Variants in ATG7 observed in about 807,000 individuals in gnomAD.
The protein encoded by ATG7 is autophagy related 7.
In ATG7, 70 loss-of-function variants were observed where a neutral mutation model predicts 82.4. The observed-to-expected ratio is 0.85, with a 90% CI of 0.70 to 1.04. The LOEUF (loss-of-function observed/expected upper bound fraction) is 1.04. Ranked by LOEUF, ATG7 falls within the 50% of genes least tolerant of loss-of-function variation. ATG7 has a pLI of 0.00. For missense variants in ATG7, 792 were observed against 864.3 expected, an observed-to-expected ratio of 0.92 and a Z score of 1.05; for synonymous variants, 287 against 313.0, an observed-to-expected ratio of 0.92 and a Z score of 0.88.
At chr3:11,307,419 C>A (rs1947931334) in intron 6 of ATG7, among the ~76,000 whole-genome samples, 1 of 152,168 alleles carries the variant, frequency 6.6e-6, no homozygotes, top group Admixed American at 6.5e-5. Flanking sequence ...GTTTATTGTG[C>A]CTTGGAGAGG....
intron 20 of ATG7, among the ~76,000 whole-genome samples, chr3:11,553,043 GGCT>G (rs2071971352): frequency 1.3e-5 from 2 of 152,232 alleles, no homozygotes; most frequent in Non-Finnish European, 2.9e-5. Context: ...GCCCTGCCCA[GGCT>G]GGCAGCCCTC....
intron 20 of ATG7, among the ~76,000 whole-genome samples, chr3:11,538,016 A>C (rs1455367940): frequency 8.6e-6 from 1 of 116,020 alleles, no homozygotes; most frequent in African/African-American, 2.6e-5. Context: ...AGGTGGAGGG[A>C]AGAGGGCATA....
chr3:11,299,269 C>G lies in ATG7; in HGVS notation c.161-93C>G. On this transcript the variant is annotated intron_variant, in intron 4 of 20. Transcript: ENST00000693202. ...GAAATTGGATGGGGCGCCTTGGGCTCAACAAAGAGAAGAAAACTATTCATA... is the reference window on the plus strand; with the variant it reads ...GAAATTGGATGGGGCGCCTTGGGCTGAACAAAGAGAAGAAAACTATTCATA... The G allele has an allele frequency of 3.1e-6, 4 of 1,311,170 alleles. 1 individual carries two copies. The highest frequency in any genetic ancestry group is 4.4e-6 in the Non-Finnish European group (4 of 914,444). The allele number at this position is 1,311,170 out of a possible 1,614,324, so 81.2% of individuals were successfully genotyped here. A position where few individuals can be genotyped will look rare whatever the true frequency, so the allele number is the denominator to read the frequency against.
intron 19 of ATG7, among the ~76,000 whole-genome samples, chr3:11,388,048 C>A (rs2078452367): frequency 6.6e-6 from 1 of 152,134 alleles, no homozygotes; most frequent in Non-Finnish European, 1.5e-5. Flanking sequence ...TAGTAAAGCA[C>A]CATTGCTCTA....
intron 11 of ATG7, among the ~76,000 whole-genome samples, chr3:11,334,702 A>G (rs1273806796): frequency 6.6e-6 from 1 of 151,222 alleles, no homozygotes; most frequent in African/African-American, 2.4e-5. Flanking sequence ...TTATGCCTGT[A>G]ATCCCAGCAC....
At chr3:11,483,095 T>C (rs1285417470) in intron 20 of ATG7, among the ~76,000 whole-genome samples, 1 of 152,156 alleles carries the variant, frequency 6.6e-6, no homozygotes, top group African/African-American at 2.4e-5. Context: ...TTATCAGCTA[T>C]TGTGGCAAAA....
downstream of ATG7, chr3:11,558,452 C>G: frequency 2.2e-6 from 3 of 1,355,788 alleles, no homozygotes; most frequent in Non-Finnish European, 2.9e-6. Flanking sequence ...CATCCCTTCC[C>G]TTCCCCCCAC....
chr3:11,289,373 T>C (rs1306399531), intron 3 of ATG7, among the ~76,000 whole-genome samples: 1 of 152,222 alleles, frequency 6.6e-6, no homozygotes, highest in Non-Finnish European at 1.5e-5. Flanking sequence ...CATAGACGTG[T>C]ATGTTCCTAA....
At chr3:11,351,342 G>A (rs1055226725) in intron 14 of ATG7, among the ~76,000 whole-genome samples, 5 of 152,216 alleles carry the variant, frequency 3.3e-5, no homozygotes, top group Non-Finnish European at 4.4e-5. Context: ...ATGAGGGGTG[G>A]ACTGGGAAGA....
chr3:11,553,343 A>G (rs1389063877), intron 20 of ATG7, among the ~76,000 whole-genome samples: 1 of 152,142 alleles, frequency 6.6e-6, no homozygotes, highest in African/African-American at 2.4e-5. Context: ...CAGCAGGTCT[A>G]CACAGCGTGT....
intron 18 of ATG7, among the ~76,000 whole-genome samples, chr3:11,374,324 C>G (rs779962816): frequency 2.0e-5 from 3 of 152,110 alleles, no homozygotes; most frequent in Non-Finnish European, 4.4e-5. Context: ...CAATACAGTT[C>G]AATTGGGAAA....
At chr3:11,318,694 C>T (rs1949784878) in intron 9 of ATG7, among the ~76,000 whole-genome samples, 1 of 152,198 alleles carries the variant, frequency 6.6e-6, no homozygotes, top group Non-Finnish European at 1.5e-5. Flanking sequence ...CTCTTCAGTT[C>T]CAGTTCCTGT....
At chr3:11,549,600 A>T (rs1352506301) in intron 20 of ATG7, among the ~76,000 whole-genome samples, 3 of 152,192 alleles carry the variant, frequency 2.0e-5, no homozygotes, top group Non-Finnish European at 4.4e-5. Flanking sequence ...GCTTAGGAGT[A>T]TCCACTGTAC....
chr3:11,444,633 C>G (rs1044971799), intron 20 of ATG7, among the ~76,000 whole-genome samples: 1 of 152,138 alleles, frequency 6.6e-6, no homozygotes, highest in African/African-American at 2.4e-5. Flanking sequence ...TCCAGACATC[C>G]TGGCCCTTAC....
chr3:11,524,501 A>G (rs2092523259), intron 20 of ATG7, among the ~76,000 whole-genome samples: 1 of 152,204 alleles, frequency 6.6e-6, no homozygotes, highest in South Asian at 2.1e-4. Flanking sequence ...ACTCATACCT[A>G]TAATCCCAGC....
intron 5 of ATG7, among the ~76,000 whole-genome samples, chr3:11,300,650 A>G (rs764102983): frequency 2.1e-4 from 32 of 152,228 alleles, no homozygotes; most frequent in Non-Finnish European, 3.4e-4. Context: ...GAATAAAGAT[A>G]GTCTCCAACT....
the ATG7 span, among the ~76,000 whole-genome samples, chr3:11,566,249 G>A: frequency 6.6e-6 from 1 of 152,128 alleles, no homozygotes; most frequent in African/African-American, 2.4e-5. Flanking sequence ...ACACGCATGT[G>A]ATAGGCGTAC....
At chr3:11,299,126 AT>A in intron 4 of ATG7, 1 of 599,376 alleles carries the variant, frequency 1.7e-6, no homozygotes, top group South Asian at 2.3e-5. Context: ...GATTGGAAAT[AT>A]TTTTTCCATT....
At chr3:11,405,633 T>C (rs1013357038) in intron 19 of ATG7, among the ~76,000 whole-genome samples, 2 of 152,184 alleles carry the variant, frequency 1.3e-5, no homozygotes, top group African/African-American at 2.4e-5. Context: ...TTTTTTATTA[T>C]TTTTATTTTT....
Sources: allele counts gnomAD v4.1 joint callset (sites outside exome capture counted in the v4.1 genomes callset), GRCh38; gene constraint gnomAD v4.1.1; transcripts MANE v1.5; gene names NCBI Gene and HGNC (gene_info 2026-07-23, HGNC 2026-07-21).